CTCF: variants seen among roughly 807,000 people sequenced by gnomAD.
The protein encoded by CTCF is CCCTC-binding factor.
Under a neutral mutation model 72.3 loss-of-function variants are expected in CTCF, and 7 were observed. That is an observed-to-expected ratio of 0.10 (90% CI 0.06 to 0.18). The LOEUF (loss-of-function observed/expected upper bound fraction) is 0.18, where lower values mean the gene tolerates loss of function less well. CTCF is among the 10% of genes least tolerant of loss of function. CTCF has a pLI of 1.00. For missense variants in CTCF, 516 were observed against 949.1 expected (o/e 0.54, Z 6.00); for synonymous variants, 374 against 315.8 (o/e 1.18, Z -1.95).
intron 2 of CTCF, among the ~76,000 whole-genome samples, chr16:67,583,686 CA>C (rs747603061): frequency 6.5e-4 from 81 of 123,898 alleles, no homozygotes; most frequent in Middle Eastern, 8.5e-3. Context: ...GTTTTGGTCT[CA>C]AAAAAAAAAA....
At chr16:67,582,886 C>T (rs2051606072) in intron 2 of CTCF, among the ~76,000 whole-genome samples, 1 of 151,652 alleles carries the variant, frequency 6.6e-6, no homozygotes, top group Non-Finnish European at 1.5e-5. Context: ...TAGTTAACAG[C>T]TATGTAGATT....
At chr16:67,597,897 C>T (rs1444906184) in intron 2 of CTCF, among the ~76,000 whole-genome samples, 1 of 152,052 alleles carries the variant, frequency 6.6e-6, no homozygotes, top group Non-Finnish European at 1.5e-5. Context: ...ATAATAGTGT[C>T]GCTACTTAGT....
intron 2 of CTCF, among the ~76,000 whole-genome samples, chr16:67,585,462 A>G (rs747231611): frequency 6.6e-6 from 1 of 152,244 alleles, no homozygotes; most frequent in Non-Finnish European, 1.5e-5. Context: ...ACTGAAGATA[A>G]TATTAAAGTT....
chr16:67,570,237 C>T (rs1417408497), intron 1 of CTCF, among the ~76,000 whole-genome samples: 3 of 151,914 alleles, frequency 2.0e-5, no homozygotes, highest in East Asian at 1.9e-4. Flanking sequence ...CCACCACACC[C>T]GGCTAATTTT....
intron 2 of CTCF, among the ~76,000 whole-genome samples, chr16:67,610,024 C>T (rs1436434278): frequency 2.0e-5 from 3 of 152,154 alleles, no homozygotes; most frequent in Non-Finnish European, 4.4e-5. Flanking sequence ...TAGCACATCC[C>T]AGCCCAGTAG....
Position 67,638,615 on chromosome 16 carries a change from A to T in CTCF, c.*743A>T. On this transcript the variant is annotated 3_prime_UTR_variant, in exon 12 of 12. Transcript: ENST00000264010. ...GCACCCAGACCACTGCCCACCAGTG[A>T]CGGACATGCACGTGGCAGATCATGA... The T allele has an allele frequency of 4.3e-6, 1 of 232,026 alleles. No homozygotes were observed. The highest frequency in any genetic ancestry group is 8.5e-6 in the Non-Finnish European group (1 of 116,964). 14.4% of individuals were successfully genotyped at this position (232,026 alleles called of 1,614,324 possible).
rs1213529830 is a variant in CTCF, at chr16:67,638,757, G to T, written c.*885G>T. The T allele has an allele frequency of 4.6e-6, 1 of 219,646 alleles. No homozygotes were observed. The highest frequency in any genetic ancestry group is 2.2e-5 in the African/African-American group (1 of 44,504). The allele number at this position is 219,646 out of a possible 1,614,324, so 13.6% of individuals were successfully genotyped here. A position where few individuals can be genotyped will look rare whatever the true frequency, so the allele number is the denominator to read the frequency against. ...GATTGTTGTGTTTTATAAATCTTCT[G>T]TTAAGGCAGAAGGGTGATTATGAGT... is the stretch of plus-strand genomic sequence containing the variant. On this transcript the variant is annotated 3_prime_UTR_variant, in exon 12 of 12. Coordinates refer to ENST00000264010, the MANE Select transcript of CTCF (RefSeq NM_006565.4).
chr16:67,569,253 C>T (rs1438199413), intron 1 of CTCF, among the ~76,000 whole-genome samples: 1 of 152,008 alleles, frequency 6.6e-6, no homozygotes, highest in Non-Finnish European at 1.5e-5. Flanking sequence ...GTGGCACGAT[C>T]TTGGCTCATT....
chr16:67,591,701 GA>G (rs1039778976), intron 2 of CTCF, among the ~76,000 whole-genome samples: 2 of 151,400 alleles, frequency 1.3e-5, no homozygotes, highest in Admixed American at 1.3e-4. Flanking sequence ...TCATCCTCAG[GA>G]AAAACTGATT....
intron 2 of CTCF, among the ~76,000 whole-genome samples, chr16:67,593,712 T>TC (rs1378215422): frequency 6.6e-6 from 1 of 152,278 alleles, no homozygotes; most frequent in African/African-American, 2.4e-5. Context: ...ACTTCTGATC[T>TC]CCCCAGGAAA....
In CTCF at chr16:67,581,467, C is replaced by A. The variant is rs1292991152; in HGVS notation, c.-10+10203C>A. Among the ~76,000 whole-genome samples, 3 of 151,942 alleles carry A rather than the reference C, an allele frequency of 2.0e-5. No individual in the cohort carries two copies. In the East Asian group the frequency reaches 5.8e-4, roughly 29 times the overall value. On this transcript the variant is annotated intron_variant, in intron 2 of 11. Transcript: ENST00000264010. ...CCTCCCAAGTAGCTGGGATTACAGA[C>A]ATGCTCCACTAGGCCTGGCTTATTT...
chr16:67,637,726 G>A lies in CTCF; in HGVS notation c.2038G>A (p.Ala680Thr), dbSNP rs2142889048. ...IIQVEDQNTG[A>T]IENIIVEVKK... is the part of the protein sequence containing the mutation. ...TCAGGTTGAAGACCAGAATACAGGT[G>A]CAATTGAGAACATTATAGTTGAAGT... The change falls in exon 12 of 12, where the codon GCA (alanine) becomes ACA (threonine). Residue 680 changes from alanine to threonine, a missense_variant. Physicochemically the swap from Ala to Thr is moderately conservative, Grantham distance 58. Around this residue, in one of 7 missense-constraint regions of CTCF, gnomAD observed 157 missense variants for 172.9 expected, o/e 0.91. Coordinates refer to ENST00000264010, the MANE Select transcript of CTCF (RefSeq NM_006565.4). 6.2e-7 allele frequency: 1 copy of A among 1,613,936 alleles called. No homozygotes were observed. The highest frequency in any genetic ancestry group is 8.5e-7 in the Non-Finnish European group (1 of 1,179,978).
At chr16:67,632,619 G>A (rs1033947791) in intron 10 of CTCF, among the ~76,000 whole-genome samples, 1 of 147,976 alleles carries the variant, frequency 6.8e-6, no homozygotes, top group African/African-American at 2.5e-5. Context: ...AAGCCAATAA[G>A]CCTTTGATCC....
At chr16:67,573,822 A>G (rs112326283) in intron 2 of CTCF, among the ~76,000 whole-genome samples, 31 of 152,050 alleles carry the variant, frequency 2.0e-4, no homozygotes, top group Admixed American at 1.3e-4. Flanking sequence ...TGCAAGTCCA[A>G]GAGATTGAGA....
chr16:67,615,407 G>A (rs1473869173), intron 4 of CTCF: 1 of 152,320 alleles, frequency 6.6e-6, no homozygotes, highest in African/African-American at 2.4e-5. Flanking sequence ...CTTGAGCCCA[G>A]GAGTTTGAGA....
Position 67,611,217 on chromosome 16 carries a change from A to G in CTCF, c.385A>G (p.Thr129Ala), listed in dbSNP as rs763685897. The change falls in exon 3 of 12, where the codon ACT (threonine) becomes GCT (alanine). Residue 129 changes from threonine (T) to alanine (A), a missense_variant. Thr to Ala is a moderately conservative substitution (Grantham distance 58). This residue lies in a region of CTCF where 148 missense variants were observed against 194.9 expected (regional missense o/e 0.76). Coordinates refer to ENST00000264010, the MANE Select transcript of CTCF (RefSeq NM_006565.4). ...TCCTGTGACTGTACCTGTTGCTACC[A>G]CTTCAGTAGAAGAACTTCAGGGGGC... ...PVPVTVPVAT[T>A]SVEELQGAYE... The G allele has an allele frequency of 6.2e-7, 1 of 1,614,164 alleles. No homozygotes were observed. Among genetic ancestry groups the G allele is most frequent in the Non-Finnish European group, 8.5e-7 (1 of 1,180,030 alleles).
intron 2 of CTCF, among the ~76,000 whole-genome samples, chr16:67,604,153 AAAG>A (rs1481871996): frequency 6.6e-6 from 1 of 151,198 alleles, no homozygotes; most frequent in Non-Finnish European, 1.5e-5. Flanking sequence ...AAAGAAAAGA[AAAG>A]AAAATTAATT....
intron 10 of CTCF, among the ~76,000 whole-genome samples, chr16:67,634,692 C>CT (rs869223780): frequency 1.9e-3 from 267 of 142,998 alleles, no homozygotes; most frequent in South Asian, 2.7e-3. Context: ...TAATTTCTTC[C>CT]TTTTTTTTTT....
chr16:67,635,479 T>A (rs1363918091), intron 10 of CTCF: 1 of 152,098 alleles, frequency 6.6e-6, no homozygotes, highest in Admixed American at 6.6e-5. Flanking sequence ...TTCGTTTTTG[T>A]TTTTTGTTTG....
Sources: gnomAD v4.1 joint callset for allele counts (sites outside exome capture counted in the v4.1 genomes callset) on GRCh38, gnomAD v4.1.1 for gene constraint, gnomAD v4.1.1 regional missense constraint, MANE v1.5 for transcripts, NCBI Gene and HGNC (gene_info 2026-07-23, HGNC 2026-07-21) for gene names.